Variants in OR51B5 observed in about 807,000 individuals in gnomAD.
OR51B5 encodes olfactory receptor 51B5.
For synonymous variants in OR51B5, 186 were observed against 144.8 expected, an observed-to-expected ratio of 1.28 and a Z score of -2.04; for missense variants, 456 against 374.6, an observed-to-expected ratio of 1.22 and a Z score of -1.79.
At chr11:5,375,362 C>A (rs1174217197) in intron 1 of OR51B5, among the ~76,000 whole-genome samples, 6 of 151,036 alleles carry the variant, frequency 4.0e-5, no homozygotes, top group Non-Finnish European at 8.9e-5. Flanking sequence ...ACAACCGGTA[C>A]CAGCCACTGC....
At chr11:5,393,041 A>G (rs888656048) in intron 1 of OR51B5, 1 of 152,238 alleles carries the variant, frequency 6.6e-6, no homozygotes, top group African/African-American at 2.4e-5. Context: ...ACATCAAAAG[A>G]CTTGAAAATA....
At chr11:5,346,588 T>G (rs530315657), upstream of OR51B5, among the ~76,000 whole-genome samples, 1 of 152,028 alleles carries the variant, frequency 6.6e-6, no homozygotes, top group Non-Finnish European at 1.5e-5. Context: ...AAAGAAGACA[T>G]ATGAGAGGGT....
intron 1 of OR51B5, chr11:5,351,894 A>G: frequency 6.2e-7 from 1 of 1,613,120 alleles, no homozygotes; most frequent in Non-Finnish European, 8.5e-7. Flanking sequence ...GCCCCTTAAG[A>G]TATACCTCTA....
chr11:5,489,463 G>T, intron 1 of OR51B5: 1 of 1,613,984 alleles, frequency 6.2e-7, no homozygotes, highest in South Asian at 1.1e-5. Context: ...CATCATCCTG[G>T]TTTTCTACAT....
At chr11:5,389,270 A>C (rs1849751209) in intron 1 of OR51B5, 2 of 895,012 alleles carry the variant, frequency 2.2e-6, no homozygotes, top group Non-Finnish European at 3.5e-6. Flanking sequence ...GGCAGAATTC[A>C]TAAGGGTGGA....
intron 1 of OR51B5, chr11:5,469,032 G>C: frequency 3.4e-6 from 1 of 296,342 alleles, no homozygotes. Flanking sequence ...TAGCGCAGCG[G>C]GTTACAGATG....
chr11:5,348,941 G>C (rs188312184), intron 1 of OR51B5, among the ~76,000 whole-genome samples: 6 of 152,230 alleles, frequency 3.9e-5, no homozygotes, highest in Non-Finnish European at 8.8e-5. Context: ...GTCAGGAAAA[G>C]TGAAGGAAAA....
chr11:5,347,108 G>A (rs1014187433), upstream of OR51B5, among the ~76,000 whole-genome samples: 3 of 152,106 alleles, frequency 2.0e-5, no homozygotes, highest in African/African-American at 4.8e-5. Context: ...GCTGAATCAA[G>A]CCACTGGTAG....
At chr11:5,390,084 C>A (rs763348944) in intron 1 of OR51B5, 1 of 1,613,760 alleles carries the variant, frequency 6.2e-7, no homozygotes, top group Non-Finnish European at 8.5e-7. Flanking sequence ...ATCGCACTGT[C>A]CTATGGACTC....
chr11:5,347,298 C>T, upstream of OR51B5, among the ~76,000 whole-genome samples: 1 of 152,100 alleles, frequency 6.6e-6, no homozygotes, highest in African/African-American at 2.4e-5. Context: ...TACTATATTT[C>T]CTGCTTGGTT....
chr11:5,474,500 AAATT>A (rs1484690967), intron 1 of OR51B5, among the ~76,000 whole-genome samples: 5 of 12,820 alleles, frequency 3.9e-4, no homozygotes, highest in African/African-American at 8.2e-4. Context: ...ACCAATTAAT[AAATT>A]GTTTTTGGAG....
intron 1 of OR51B5, among the ~76,000 whole-genome samples, chr11:5,482,619 C>A (rs1440204207): frequency 5.9e-5 from 7 of 118,258 alleles, no homozygotes; most frequent in African/African-American, 2.4e-4. Flanking sequence ...TGACAAAGGG[C>A]TAATATCCAG....
intron 1 of OR51B5, among the ~76,000 whole-genome samples, chr11:5,373,679 C>A (rs1260272256): frequency 1.3e-5 from 2 of 152,194 alleles, no homozygotes; most frequent in Non-Finnish European, 2.9e-5. Flanking sequence ...GAGATTATAT[C>A]CTGCACATGG....
rs766627260 is a variant in OR51B5, at chr11:5,343,084, C to G, written c.441G>C (p.Leu147=). ...GAACAACGGATACAAATCCCCTCAT[C>G]AGAACTCCCAGCCCAATCTTCACTA... is the stretch of plus-strand genomic sequence containing the variant. The change falls in exon 1 of 1, where the codon CTG becomes CTC. Residue 147 remains leucine (L), a synonymous_variant. Transcript: ENST00000300773. 24 of 1,613,112 alleles carry G rather than the reference C, an allele frequency of 1.5e-5. 1 individual carries two copies. In the Middle Eastern group the frequency reaches 5.0e-4, roughly 33 times the overall value.
intron 1 of OR51B5, among the ~76,000 whole-genome samples, chr11:5,495,577 C>T (rs1037285437): frequency 6.6e-6 from 1 of 152,104 alleles, no homozygotes; most frequent in Non-Finnish European, 1.5e-5. Context: ...AACTAAAAAT[C>T]TGTAGTAGAT....
chr11:5,479,185 G>C (rs1851368726), intron 1 of OR51B5, among the ~76,000 whole-genome samples: 1 of 147,590 alleles, frequency 6.8e-6, no homozygotes, highest in Non-Finnish European at 1.5e-5. Flanking sequence ...CTACAAGCCA[G>C]AAGAGAGTGG....
chr11:5,408,133 T>A (rs1391608), intron 1 of OR51B5, among the ~76,000 whole-genome samples: 10,922 of 152,224 alleles, frequency 0.072, 456 homozygotes, highest in African/African-American at 0.1. Context: ...CAAATATCTT[T>A]CATTTGCTGC....
chr11:5,404,685 T>C (rs918222252), intron 1 of OR51B5, among the ~76,000 whole-genome samples: 4 of 152,218 alleles, frequency 2.6e-5, no homozygotes, highest in Non-Finnish European at 4.4e-5. Context: ...ATAAATCTTG[T>C]GGCTGCTCAC....
At chr11:5,467,128 G>C (rs1435798166) in intron 1 of OR51B5, among the ~76,000 whole-genome samples, 2 of 152,180 alleles carry the variant, frequency 1.3e-5, no homozygotes, top group Non-Finnish European at 2.9e-5. Context: ...CTTAGAGCCT[G>C]CAAGTATTGT....
Sources: allele counts gnomAD v4.1 joint callset (sites outside exome capture counted in the v4.1 genomes callset), GRCh38; gene constraint gnomAD v4.1.1; transcripts MANE v1.5; gene names NCBI Gene and HGNC (gene_info 2026-07-23, HGNC 2026-07-21).